The following MSI2 variants were observed in gnomAD, a reference collection of about 807,000 sequenced individuals.
The protein encoded by MSI2 is RNA-binding protein Musashi homolog 2.
A neutral mutation model predicts 45.6 loss-of-function variants in MSI2; 17 were observed. The ratio of observed to expected loss-of-function variants is 0.37; its 90% CI spans 0.26 to 0.56. The LOEUF (loss-of-function observed/expected upper bound fraction) is 0.56, where lower values mean the gene tolerates loss of function less well. Ranked by LOEUF, MSI2 falls within the 20% of genes least tolerant of loss-of-function variation. The probability of loss-of-function intolerance (pLI) is 0.77; values close to 1 mark genes in which losing one functional copy is unlikely to be tolerated. For synonymous variants in MSI2, 156 were observed against 158.2 expected, an observed-to-expected ratio of 0.99 and a Z score of 0.11; for missense variants, 293 against 444.2, an observed-to-expected ratio of 0.66 and a Z score of 3.06.
At chr17:57,326,979 G>C (rs1913850366) in intron 5 of MSI2, among the ~76,000 whole-genome samples, 1 of 152,184 alleles carries the variant, frequency 6.6e-6, no homozygotes, top group South Asian at 2.1e-4. Flanking sequence ...CTAGACATGA[G>C]AGTTAAGAAG....
At chr17:57,274,829 C>G (rs1230811787) in intron 5 of MSI2, among the ~76,000 whole-genome samples, 1 of 152,102 alleles carries the variant, frequency 6.6e-6, no homozygotes, top group African/African-American at 2.4e-5. Flanking sequence ...ATAACTGCCA[C>G]TAACTCTGTG....
At chr17:57,308,073 G>A (rs961359439) in intron 5 of MSI2, among the ~76,000 whole-genome samples, 1 of 152,216 alleles carries the variant, frequency 6.6e-6, no homozygotes, top group African/African-American at 2.4e-5. Flanking sequence ...TTTGTGGTCA[G>A]ACAGACCTGA....
chr17:57,321,776 GC>G (rs1354136622), intron 5 of MSI2, among the ~76,000 whole-genome samples: 1 of 152,142 alleles, frequency 6.6e-6, no homozygotes, highest in African/African-American at 2.4e-5. Flanking sequence ...GTTGGGCTGG[GC>G]AACTTTGCCA....
chr17:57,492,529 A>T (rs2085894538), intron 6 of MSI2, among the ~76,000 whole-genome samples: 1 of 152,180 alleles, frequency 6.6e-6, no homozygotes, highest in African/African-American at 2.4e-5. Flanking sequence ...CGCTGAGTAC[A>T]TGGGGCCTCT....
chr17:57,655,609 C>T (rs1032575821), intron 11 of MSI2, among the ~76,000 whole-genome samples: 2 of 151,018 alleles, frequency 1.3e-5, no homozygotes, highest in Non-Finnish European at 1.5e-5. Flanking sequence ...TGTGAGCAGT[C>T]ATATTTCTGT....
intron 5 of MSI2, among the ~76,000 whole-genome samples, chr17:57,362,670 C>T (rs1487201878): frequency 6.6e-6 from 1 of 152,028 alleles, no homozygotes; most frequent in African/African-American, 2.4e-5. Context: ...CAGATTTATT[C>T]TTTATGTCTG....
At chr17:57,490,537 G>C (rs2085849760) in intron 6 of MSI2, among the ~76,000 whole-genome samples, 1 of 152,232 alleles carries the variant, frequency 6.6e-6, no homozygotes, top group Admixed American at 6.5e-5. Flanking sequence ...GGAAGGGCTT[G>C]TGCATGCCTT....
chr17:57,277,195 A>G (rs1320900337), intron 5 of MSI2, among the ~76,000 whole-genome samples: 1 of 150,902 alleles, frequency 6.6e-6, no homozygotes, highest in Non-Finnish European at 1.5e-5. Flanking sequence ...AGCTGGGTTT[A>G]CAGGTACCCG....
At chr17:57,276,651 C>CGGG (rs1908872445) in intron 5 of MSI2, among the ~76,000 whole-genome samples, 1 of 152,226 alleles carries the variant, frequency 6.6e-6, no homozygotes, top group Non-Finnish European at 1.5e-5. Context: ...TTCTGAGCTA[C>CGGG]TGTGTTTCCC....
In MSI2 at chr17:57,596,112, T is replaced by C. The variant is rs935263771; in HGVS notation, c.455-756T>C. The stretch of plus-strand genomic sequence containing the variant: ...AGATGGGGCCACATGCTGGAAACGC[T>C]GTCGGAGGCGGGAGGAGAAGAAAGA... On this transcript the variant is annotated intron_variant, in intron 7 of 13. Transcript: ENST00000284073. This position sits in a 1 kb window ranked among gnomAD's most constrained non-coding sequence, Gnocchi z 4.6. Among the ~76,000 whole-genome samples, 17 of 152,262 alleles carry C rather than the reference T, an allele frequency of 1.1e-4. No homozygotes were observed. Among genetic ancestry groups the C allele is most frequent in the Admixed American group, 1.0e-3 (16 of 15,304 alleles).
intron 6 of MSI2, among the ~76,000 whole-genome samples, chr17:57,476,601 T>A (rs1257865873): frequency 6.6e-6 from 1 of 152,226 alleles, no homozygotes; most frequent in African/African-American, 2.4e-5. Context: ...TTCTGTGCAG[T>A]GATTCAAGGA....
intron 7 of MSI2, among the ~76,000 whole-genome samples, chr17:57,557,740 T>C (rs922158894): frequency 6.6e-6 from 1 of 152,224 alleles, no homozygotes; most frequent in Non-Finnish European, 1.5e-5. Context: ...AGGCATCTCT[T>C]GGGAGTGCAC....
At chr17:57,632,178 G>A in intron 10 of MSI2, 1 of 1,168,952 alleles carries the variant, frequency 8.6e-7, no homozygotes, top group Non-Finnish European at 1.1e-6. Context: ...ATGTTTTTAA[G>A]TCATGACCAA....
At chr17:57,576,364 C>A (rs1053570789) in intron 7 of MSI2, among the ~76,000 whole-genome samples, 5 of 152,192 alleles carry the variant, frequency 3.3e-5, no homozygotes, top group African/African-American at 1.2e-4. Context: ...GAGATTCTTT[C>A]ATATAGAAGG....
In MSI2 at chr17:57,596,338, C is replaced by T. The variant is rs966592727; in HGVS notation, c.455-530C>T. On this transcript the variant is annotated intron_variant, in intron 7 of 13. Coordinates refer to ENST00000284073, the MANE Select transcript of MSI2 (RefSeq NM_138962.4). This position sits in a 1 kb window ranked among gnomAD's most constrained non-coding sequence, Gnocchi z 4.6. ...TTGAAGCAGCAGTATAAAAAGGATG[C>T]CTGCGCGGAACAGAGGCCTGAAACT... Among the ~76,000 whole-genome samples the T allele has an allele frequency of 6.6e-6, 1 of 152,182 alleles. No individual in the cohort carries two copies. The highest frequency in any genetic ancestry group is 2.4e-5 in the African/African-American group (1 of 41,450).
At chr17:57,385,975 G>A (rs118121072) in intron 5 of MSI2, among the ~76,000 whole-genome samples, 5,755 of 152,284 alleles carry the variant, frequency 0.038, 137 homozygotes, top group Non-Finnish European at 0.049. Flanking sequence ...ATTAATGGTT[G>A]ATGTCGATTG....
At chr17:57,453,002 CTTTT>C (rs59001273) in intron 6 of MSI2, among the ~76,000 whole-genome samples, 4 of 118,268 alleles carry the variant, frequency 3.4e-5, no homozygotes, top group Admixed American at 8.7e-5. Context: ...GGTTGAGGGA[CTTTT>C]TTTTTTTTTT....
At chr17:57,587,352 C>A (rs1040906702) in intron 7 of MSI2, among the ~76,000 whole-genome samples, 3 of 152,204 alleles carry the variant, frequency 2.0e-5, no homozygotes, top group Admixed American at 6.5e-5. Context: ...GGTTGGCCAG[C>A]GCATCCCTGA....
At chr17:57,310,506 G>T (rs1332235189) in intron 5 of MSI2, among the ~76,000 whole-genome samples, 1 of 152,044 alleles carries the variant, frequency 6.6e-6, no homozygotes, top group Non-Finnish European at 1.5e-5. Context: ...GCTAATTTTT[G>T]TATTTTTAGT....
Sources: allele counts gnomAD v4.1 joint callset (sites outside exome capture counted in the v4.1 genomes callset), GRCh38; gene constraint gnomAD v4.1.1; non-coding constraint Gnocchi (gnomAD v3.1); transcripts MANE v1.5; gene names NCBI Gene and HGNC (gene_info 2026-07-23, HGNC 2026-07-21).